The following DOK6 variants were observed in gnomAD, a reference collection of about 807,000 sequenced individuals.
DOK6 encodes downstream of tyrosine kinase 6.
In DOK6, 22 loss-of-function variants were observed where a neutral mutation model predicts 44.0. That is an observed-to-expected ratio of 0.50 (90% CI 0.36 to 0.71). DOK6 has a LOEUF of 0.71. DOK6 is among the 30% of genes least tolerant of loss of function. The probability of loss-of-function intolerance (pLI) is 0.00; values close to 1 mark genes in which losing one functional copy is unlikely to be tolerated. For missense variants in DOK6, 340 were observed against 416.4 expected (o/e 0.82, Z 1.60); for synonymous variants, 166 against 145.5 (o/e 1.14, Z -1.01).
intron 7 of DOK6, among the ~76,000 whole-genome samples, chr18:69,829,019 A>G (rs1480438096): frequency 6.6e-6 from 1 of 150,500 alleles, no homozygotes; most frequent in Non-Finnish European, 1.5e-5. Flanking sequence ...GAGGTTAAGG[A>G]AATCACAAAT....
chr18:69,649,005 A>T (rs948297630), intron 3 of DOK6, among the ~76,000 whole-genome samples: 1 of 152,224 alleles, frequency 6.6e-6, no homozygotes, highest in African/African-American at 2.4e-5. Context: ...ATTAGAGCAT[A>T]GCATCCATAT....
At chr18:69,551,182 T>C (rs972595242) in intron 1 of DOK6, among the ~76,000 whole-genome samples, 3 of 152,218 alleles carry the variant, frequency 2.0e-5, no homozygotes, top group African/African-American at 4.8e-5. Context: ...CACCAAATGA[T>C]TCCTTTGAGA....
chr18:69,594,591 A>G (rs1400163822), intron 2 of DOK6, among the ~76,000 whole-genome samples: 3 of 63,486 alleles, frequency 4.7e-5, no homozygotes, highest in Non-Finnish European at 1.8e-4. Flanking sequence ...CAAACAGGCA[A>G]AAAAAAAAAA....
intron 1 of DOK6, among the ~76,000 whole-genome samples, chr18:69,510,934 C>T (rs1981349513): frequency 6.6e-6 from 1 of 151,440 alleles, no homozygotes; most frequent in Non-Finnish European, 1.5e-5. Flanking sequence ...ATAATGTTAC[C>T]AAGTCATAGA....
intron 2 of DOK6, among the ~76,000 whole-genome samples, chr18:69,579,091 G>T (rs1382590599): frequency 6.6e-6 from 1 of 152,032 alleles, no homozygotes; most frequent in Non-Finnish European, 1.5e-5. Flanking sequence ...AGGGAACTGG[G>T]GGTTTTGAGA....
intron 3 of DOK6, among the ~76,000 whole-genome samples, chr18:69,602,624 ATACTAATGTAAGATGT>A (rs1454434632): frequency 6.6e-6 from 1 of 152,254 alleles, no homozygotes; most frequent in African/African-American, 2.4e-5. Flanking sequence ...CAAATGTACC[ATACTAATGTAAGATGT>A]TACTAATAGA....
At chr18:69,542,106 C>T (rs898004644) in intron 1 of DOK6, among the ~76,000 whole-genome samples, 3 of 151,376 alleles carry the variant, frequency 2.0e-5, no homozygotes, top group Non-Finnish European at 3.0e-5. Flanking sequence ...TGCTAGACAA[C>T]TGGATGCTCT....
rs1275434319 is a variant in DOK6 at position 69,446,221 on chromosome 18, G to A, written c.66+44911G>A. Reference sequence around the variant, plus strand: ...TCCCTCCCCCCTCCCCCCACCCCACGACAGGCCCCAGTGTGTGATGTTCCC... The same window carrying A: ...TCCCTCCCCCCTCCCCCCACCCCACAACAGGCCCCAGTGTGTGATGTTCCC... On this transcript the variant is annotated intron_variant, in intron 1 of 7. Coordinates refer to ENST00000382713, the MANE Select transcript of DOK6 (RefSeq NM_152721.6). Among the ~76,000 whole-genome samples the A allele has an allele frequency of 2.4e-4, 24 of 101,326 alleles. No individual in the cohort carries two copies. The Admixed American group carries it at 2.4e-3, about 10-fold the overall frequency. The allele number at this position is 101,326 out of a possible 152,430, so 66.5% of individuals were successfully genotyped here.
intron 1 of DOK6, among the ~76,000 whole-genome samples, chr18:69,471,033 T>TG (rs929738235): frequency 1.3e-5 from 2 of 151,754 alleles, no homozygotes; most frequent in African/African-American, 4.8e-5. Context: ...GCGGATCACC[T>TG]GAGGTCGGGA....
Position 69,497,662 on chromosome 18 carries a change from C to T in DOK6, c.67-66825C>T, listed in dbSNP as rs574937937. ...TATTGGAAATAGAAGATACTAAATA[C>T]GTATTTGTTGAATTGCAAAATCAAT... is the stretch of plus-strand genomic sequence containing the variant. On this transcript the variant is annotated intron_variant, in intron 1 of 7. Coordinates refer to ENST00000382713, the MANE Select transcript of DOK6 (RefSeq NM_152721.6). 5.3e-5 allele frequency among the ~76,000 whole-genome samples: 8 copies of T among 152,254 alleles called. No individual in the cohort carries two copies. In the South Asian group the frequency reaches 1.0e-3, roughly 20 times the overall value.
intron 2 of DOK6, among the ~76,000 whole-genome samples, chr18:69,598,060 T>TA (rs1456260014): frequency 6.6e-6 from 1 of 152,164 alleles, no homozygotes; most frequent in East Asian, 1.9e-4. Flanking sequence ...TACTCGCCTG[T>TA]GATTTTTAGG....
chr18:69,550,800 T>C (rs1982546342), intron 1 of DOK6, among the ~76,000 whole-genome samples: 1 of 43,664 alleles, frequency 2.3e-5, no homozygotes, highest in Admixed American at 3.0e-4. Context: ...TTTTTTTTTA[T>C]TTTGAGACGG....
intron 1 of DOK6, among the ~76,000 whole-genome samples, chr18:69,526,958 C>T (rs1568285804): frequency 6.6e-6 from 1 of 152,162 alleles, no homozygotes; most frequent in Non-Finnish European, 1.5e-5. Context: ...ATGGATCATT[C>T]GATCCCCTTC....
rs184414145 is a variant in DOK6 at position 69,786,414 on chromosome 18, T to A, written c.856+28541T>A. On this transcript the variant is annotated intron_variant, in intron 7 of 7. Coordinates refer to ENST00000382713, the MANE Select transcript of DOK6 (RefSeq NM_152721.6). ...CACTTGTGGCTTAACCTAATTCCTA[T>A]TCTGAACATAATCTTTAATATAAAG... 4.5e-4 allele frequency among the ~76,000 whole-genome samples: 68 copies of A among 152,328 alleles called. No homozygotes were observed. The East Asian group carries it at 0.012, about 26-fold the overall frequency.
At chr18:69,415,977 A>G (rs1225062112) in intron 1 of DOK6, among the ~76,000 whole-genome samples, 1 of 152,042 alleles carries the variant, frequency 6.6e-6, no homozygotes, top group African/African-American at 2.4e-5. Flanking sequence ...TATTTAACTC[A>G]TAATTATGGG....
At chr18:69,762,092 C>T (rs921051306) in intron 7 of DOK6, among the ~76,000 whole-genome samples, 9 of 152,140 alleles carry the variant, frequency 5.9e-5, no homozygotes, top group African/African-American at 2.2e-4. Flanking sequence ...AGAAGGATTG[C>T]TTGAGCCCAG....
chr18:69,500,730 T>C (rs977732293), intron 1 of DOK6, among the ~76,000 whole-genome samples: 2 of 152,220 alleles, frequency 1.3e-5, no homozygotes, highest in South Asian at 4.1e-4. Context: ...TGTTCACCTT[T>C]ATTAATAATA....
rs111967869 is a variant in DOK6 at position 69,419,386 on chromosome 18, A to G, written c.66+18076A>G. On this transcript the variant is annotated intron_variant, in intron 1 of 7. Transcript: ENST00000382713. ...ATAAAGTCCCAAATAAAGCATCCAA[A>G]AAGTTTAAGTCATTATGCTTTCTGC... Among the ~76,000 whole-genome samples, 151 of 152,266 alleles carry G rather than the reference A, an allele frequency of 9.9e-4. 1 individual carries two copies. The highest frequency in any genetic ancestry group is 3.4e-3 in the Middle Eastern group (1 of 294).
intron 3 of DOK6, among the ~76,000 whole-genome samples, chr18:69,657,476 A>G (rs995351614): frequency 6.6e-6 from 1 of 152,210 alleles, no homozygotes; most frequent in Non-Finnish European, 1.5e-5. Context: ...GTAGGAAATA[A>G]GCATTTTGTT....
Sources: gnomAD v4.1 joint callset for allele counts (sites outside exome capture counted in the v4.1 genomes callset) on GRCh38, gnomAD v4.1.1 for gene constraint, MANE v1.5 for transcripts, NCBI Gene and HGNC (gene_info 2026-07-23, HGNC 2026-07-21) for gene names.